Variants in PTPRF observed in about 807,000 individuals in gnomAD.
PTPRF encodes protein tyrosine phosphatase receptor type F, also known as receptor-type tyrosine-protein phosphatase F.
A neutral mutation model predicts 201.8 loss-of-function variants in PTPRF; 59 were observed. The ratio of observed to expected loss-of-function variants is 0.29; its 90% CI spans 0.24 to 0.36. The LOEUF is 0.36. Ranked by LOEUF, PTPRF falls within the 10% of genes least tolerant of loss-of-function variation. The pLI, the probability that PTPRF is intolerant of heterozygous loss-of-function variation, is 1.00. For synonymous variants in PTPRF, 1,088 were observed against 1,089.7 expected (o/e 1.00, Z 0.03); for missense variants, 2,132 against 2,690.5 (o/e 0.79, Z 4.59).
intron 21 of PTPRF, among the ~76,000 whole-genome samples, chr1:43,609,027 G>A (rs1266491076): frequency 6.6e-6 from 1 of 152,146 alleles, no homozygotes; most frequent in Non-Finnish European, 1.5e-5. Context: ...TTGCATGTTT[G>A]TTCCCGGTGG....
At chr1:43,576,836 C>T (rs1203822359) in intron 6 of PTPRF, among the ~76,000 whole-genome samples, 2 of 152,168 alleles carry the variant, frequency 1.3e-5, no homozygotes, top group East Asian at 3.9e-4. Context: ...CACATCTAGA[C>T]CTTCAGAGCT....
At chr1:43,581,403 T>C (rs1279290971) in intron 7 of PTPRF, among the ~76,000 whole-genome samples, 1 of 152,208 alleles carries the variant, frequency 6.6e-6, no homozygotes, top group African/African-American at 2.4e-5. Flanking sequence ...TCAGGACCGT[T>C]TCTAAGCTCT....
At chr1:43,591,607 G>A in intron 9 of PTPRF, 54 bp downstream of exon 9, 1 of 1,494,750 alleles carries the variant, frequency 6.7e-7, no homozygotes, top group East Asian at 2.5e-5. Flanking sequence ...GGAGGCTGAG[G>A]TTGTGGCGGT....
intron 11 of PTPRF, among the ~76,000 whole-genome samples, chr1:43,596,342 A>G (rs1652255290): frequency 6.6e-6 from 1 of 152,026 alleles, no homozygotes; most frequent in Non-Finnish European, 1.5e-5. Context: ...GGGAGGAGAA[A>G]GTCCTGGAGA....
chr1:43,603,957 C>A lies in PTPRF; in HGVS notation c.2805C>A (p.Ala935=), dbSNP rs751004764. 1.2e-5 allele frequency: 20 copies of A among 1,613,990 alleles called. No individual in the cohort carries two copies. Among genetic ancestry groups the A allele is most frequent in the Non-Finnish European group, 1.6e-5 (19 of 1,180,050 alleles). ...TGACCACGTCTACCACAGAACTGGC[C>A]TGGGACCCGCCAGTGCTGGCGGAGA... ...TGLTTSTTEL[A]WDPPVLAERN... The change falls in exon 16 of 34, where the codon GCC becomes GCA. Residue 935 remains alanine, a synonymous_variant. Transcript: ENST00000359947. This position sits in a 1 kb window ranked among gnomAD's most constrained non-coding sequence, Gnocchi z 5.8.
At chr1:43,559,932 T>G (rs1038132556) in intron 5 of PTPRF, among the ~76,000 whole-genome samples, 23 of 149,462 alleles carry the variant, frequency 1.5e-4, no homozygotes, top group Non-Finnish European at 1.5e-5. Context: ...GCAGGTGGTG[T>G]GTAGCAAGCT....
chr1:43,568,529 T>A lies in PTPRF; in HGVS notation c.380-1061T>A, dbSNP rs149862462. ...TACAGACCTCACAGTAGCCTTACCA[T>A]CAAGGTGGGCACTTGAACCCTGTGT... On this transcript the variant is annotated intron_variant, in intron 5 of 33. Transcript: ENST00000359947. Among the ~76,000 whole-genome samples, 3 of 152,258 alleles carry A rather than the reference T, an allele frequency of 2.0e-5. No homozygotes were observed. The East Asian group carries it at 5.8e-4, about 29-fold the overall frequency.
chr1:43,540,797 C>T (rs1371805087), intron 2 of PTPRF, among the ~76,000 whole-genome samples: 2 of 152,234 alleles, frequency 1.3e-5, no homozygotes, highest in African/African-American at 2.4e-5. Context: ...AAGGCGGCCT[C>T]ACCCTCTTCC....
intron 5 of PTPRF, among the ~76,000 whole-genome samples, chr1:43,569,077 T>TAGA (rs1361291523): frequency 2.6e-5 from 4 of 152,148 alleles, no homozygotes; most frequent in Non-Finnish European, 5.9e-5. Context: ...GACCAGGCGG[T>TAGA]GACCTGGGGC....
intron 19 of PTPRF, 30 bp downstream of exon 19, chr1:43,605,652 A>G (rs1654917325): frequency 6.3e-7 from 1 of 1,598,036 alleles, no homozygotes; most frequent in Non-Finnish European, 8.6e-7. Flanking sequence ...GGACACTGAC[A>G]GCCCCATTGC....
At chr1:43,579,668 C>T (rs1274529956) in intron 7 of PTPRF, 2 of 192,904 alleles carry the variant, frequency 1.0e-5, no homozygotes, top group African/African-American at 2.4e-5. Context: ...CTTGCCCTTT[C>T]CTGAGAACAC....
intron 6 of PTPRF, among the ~76,000 whole-genome samples, chr1:43,575,302 A>G (rs1646849381): frequency 6.6e-6 from 1 of 152,132 alleles, no homozygotes; most frequent in African/African-American, 2.4e-5. Context: ...AAATTGGGGA[A>G]GTTCAGTAGT....
rs756069826 is a variant in PTPRF, at chr1:43,602,115, G to C, written c.2340+18G>C. On this transcript the variant is annotated intron_variant, in intron 14 of 33. Transcript: ENST00000359947. ...AGGACTATGTAAGTAACAGGTGTGC[G>C]AACGCGGACAAGACATGGGTCAAGC... The C allele has an allele frequency of 2.5e-6, 4 of 1,611,132 alleles. No individual in the cohort carries two copies. The highest frequency in any genetic ancestry group is 1.7e-4 in the Middle Eastern group (1 of 6,056).
rs746682490 is a variant in PTPRF at position 43,619,391 on chromosome 1, C to T, written c.4750C>T (p.Arg1584Ter). The T allele has an allele frequency of 6.2e-7, 1 of 1,614,124 alleles. No homozygotes were observed. Among genetic ancestry groups the T allele is most frequent in the Non-Finnish European group, 8.5e-7 (1 of 1,180,030 alleles). The change falls in exon 28 of 34, where the codon CGA becomes TGA. Residue 1584 changes from arginine (R) to a stop codon, truncating the protein, a stop_gained. Coordinates refer to ENST00000359947, the MANE Select transcript of PTPRF (RefSeq NM_002840.5). LOFTEE classifies it high-confidence loss of function. ...VDIYGHVTCM[R>*]SQRNYMVQTE... ...CATCTATGGCCACGTGACCTGCATG[C>T]GATCACAGAGGAACTACATGGTGCA...
In PTPRF at chr1:43,605,454, GA is replaced by G. The variant is rs779152638; in HGVS notation, c.3389+12del. On this transcript the variant is annotated intron_variant, in intron 18 of 33. Coordinates refer to ENST00000359947, the MANE Select transcript of PTPRF (RefSeq NM_002840.5). ...CCCCTCGCTTGTCAGGTGTGCACAC[GA>G]GGTATCGGGGGAGGCGGGGCAGGGC... is the stretch of plus-strand genomic sequence containing the variant. The G allele has an allele frequency of 3.7e-6, 6 of 1,610,226 alleles. No homozygotes were observed. Among genetic ancestry groups the G allele is most frequent in the Admixed American group, 1.7e-5 (1 of 59,972 alleles).
chr1:43,565,234 A>G (rs1013208545), intron 5 of PTPRF, among the ~76,000 whole-genome samples: 1 of 152,018 alleles, frequency 6.6e-6, no homozygotes, highest in Non-Finnish European at 1.5e-5. Flanking sequence ...AGGTTAGCCA[A>G]GCGCTCATCC....
rs1022314371 is a variant in PTPRF at position 43,588,374 on chromosome 1, G to C, written c.680-357G>C. On this transcript the variant is annotated intron_variant, in intron 7 of 33. Transcript: ENST00000359947. This position sits in a 1 kb window ranked among gnomAD's most constrained non-coding sequence, Gnocchi z 5.3. ...AGATAGGCCCTGGAGAACACCCTGG[G>C]TTGTGGTCCTGACCAGGCCTGGACC... Among the ~76,000 whole-genome samples the C allele has an allele frequency of 6.6e-6, 1 of 152,202 alleles. No individual in the cohort carries two copies. The highest frequency in any genetic ancestry group is 1.5e-5 in the Non-Finnish European group (1 of 68,034).
At chr1:43,541,018 G>A (rs575930652) in intron 2 of PTPRF, among the ~76,000 whole-genome samples, 2 of 152,234 alleles carry the variant, frequency 1.3e-5, no homozygotes, top group Admixed American at 6.5e-5. Context: ...TTAGCTGCCC[G>A]CTGGTTAGAA....
chr1:43,531,423 T>A (rs931315637), intron 1 of PTPRF, among the ~76,000 whole-genome samples: 3 of 111,052 alleles, frequency 2.7e-5, no homozygotes, highest in Non-Finnish European at 5.4e-5. Context: ...GCGCAAAGTT[T>A]CCCGTTTGCG....
Sources: allele counts gnomAD v4.1 joint callset (sites outside exome capture counted in the v4.1 genomes callset), GRCh38; gene constraint gnomAD v4.1.1; non-coding constraint Gnocchi (gnomAD v3.1); transcripts MANE v1.5; gene names NCBI Gene and HGNC (gene_info 2026-07-23, HGNC 2026-07-21).